Variants in CCDC102B observed in about 807,000 individuals in gnomAD.
The protein encoded by CCDC102B is coiled-coil domain containing 102B.
In CCDC102B, 75 loss-of-function variants were observed where a neutral mutation model predicts 57.4. The ratio of observed to expected loss-of-function variants is 1.31; its 90% CI spans 1.08 to 1.58. The LOEUF (loss-of-function observed/expected upper bound fraction) is 1.58, where lower values mean the gene tolerates loss of function less well. Among genes scored for constraint, CCDC102B ranks in the 40% most tolerant of loss-of-function variants. The probability of loss-of-function intolerance (pLI) is 0.00; values close to 1 mark genes in which losing one functional copy is unlikely to be tolerated. For missense variants in CCDC102B, 636 were observed against 582.6 expected (o/e 1.09, Z -0.94); for synonymous variants, 206 against 201.9 (o/e 1.02, Z -0.17).
At chr18:68,830,362 A>G (rs2037093798) in intron 1 of CCDC102B, among the ~76,000 whole-genome samples, 2 of 151,970 alleles carry the variant, frequency 1.3e-5, no homozygotes, top group Admixed American at 1.3e-4. Context: ...AAATAAGATT[A>G]GGTGGGGCTA....
Position 68,966,305 on chromosome 18 carries a change from C to G in CCDC102B, c.1264-44629C>G, listed in dbSNP as rs578217272. Among the ~76,000 whole-genome samples the G allele has an allele frequency of 1.4e-3, 212 of 152,158 alleles. 1 individual carries two copies. Among genetic ancestry groups the G allele is most frequent in the African/African-American group, 4.6e-3 (191 of 41,534 alleles). ...CTTGTTCTGATGACTGCCTTATCTCCCCAGACTGAGTCTCCTTGCCATTTT... is the reference window on the plus strand; with the variant it reads ...CTTGTTCTGATGACTGCCTTATCTCGCCAGACTGAGTCTCCTTGCCATTTT... On this transcript the variant is annotated intron_variant, in intron 6 of 7. Coordinates refer to ENST00000360242, the MANE Select transcript of CCDC102B (RefSeq NM_024781.3).
rs1263559674 is a variant in CCDC102B at position 68,969,242 on chromosome 18, G to A, written c.1264-41692G>A. Among the ~76,000 whole-genome samples, 7 of 152,136 alleles carry A rather than the reference G, an allele frequency of 4.6e-5. No homozygotes were observed. In the East Asian group the frequency reaches 7.7e-4, roughly 17 times the overall value. Reference sequence around the variant, plus strand: ...ACACCTCATCCTCATTTCTTAGAACGGATGCAGAGCCCAGGCATCAGAGGG... The same window carrying A: ...ACACCTCATCCTCATTTCTTAGAACAGATGCAGAGCCCAGGCATCAGAGGG... On this transcript the variant is annotated intron_variant, in intron 6 of 7. Transcript: ENST00000360242.
chr18:68,983,524 G>T (rs2050648450), intron 6 of CCDC102B, among the ~76,000 whole-genome samples: 1 of 152,078 alleles, frequency 6.6e-6, no homozygotes, highest in South Asian at 2.1e-4. Context: ...TTACTAGCCA[G>T]TGATAAAATA....
chr18:68,994,681 C>T (rs1222921114), intron 6 of CCDC102B, among the ~76,000 whole-genome samples: 1 of 152,178 alleles, frequency 6.6e-6, no homozygotes, highest in African/African-American at 2.4e-5. Context: ...GAAGAAAGTG[C>T]TTTGCTTCCC....
chr18:68,938,689 A>T (rs9955298), intron 6 of CCDC102B, among the ~76,000 whole-genome samples: 6,201 of 151,548 alleles, frequency 0.041, 273 homozygotes, highest in African/African-American at 0.11. Flanking sequence ...GATTATTTAT[A>T]TTCTTTGTTA....
intron 6 of CCDC102B, among the ~76,000 whole-genome samples, chr18:68,963,089 T>C (rs536027555): frequency 8.8e-4 from 134 of 152,132 alleles, no homozygotes; most frequent in African/African-American, 3.1e-3. Flanking sequence ...GAGAAAAATA[T>C]GTCTCACTAT....
intron 2 of CCDC102B, among the ~76,000 whole-genome samples, chr18:68,732,229 A>T (rs2032903811): frequency 6.6e-6 from 1 of 151,880 alleles, no homozygotes; most frequent in African/African-American, 2.4e-5. Flanking sequence ...GTGTATTTTA[A>T]ATTATTTCTA....
chr18:68,942,278 G>A (rs1171101647), intron 6 of CCDC102B, among the ~76,000 whole-genome samples: 10 of 152,060 alleles, frequency 6.6e-5, no homozygotes, highest in Admixed American at 6.6e-5. Context: ...ATGAAGGGGT[G>A]GCCTGCCCCT....
chr18:68,718,370 C>T lies in CCDC102B; in HGVS notation c.-67+1776C>T, dbSNP rs574955392. 2.8e-4 allele frequency among the ~76,000 whole-genome samples: 43 copies of T among 152,242 alleles called. No homozygotes were observed. The South Asian group carries it at 7.5e-3, about 26-fold the overall frequency. On this transcript the variant is annotated intron_variant, in intron 2 of 3. Coordinates refer to the CCDC102B transcript ENST00000578970. The stretch of plus-strand genomic sequence containing the variant: ...GAATGAACTTTTGTATGGAGAACTA[C>T]GTGCAAATCCTAAACCAAATGTTGA...
At chr18:68,850,592 A>G (rs1461239372) in intron 4 of CCDC102B, among the ~76,000 whole-genome samples, 1 of 151,990 alleles carries the variant, frequency 6.6e-6, no homozygotes, top group African/African-American at 2.4e-5. Context: ...GTGTTACGAG[A>G]GCAGCTGACC....
intron 7 of CCDC102B, among the ~76,000 whole-genome samples, chr18:69,047,292 C>T (rs1007815225): frequency 5.3e-5 from 8 of 152,048 alleles, no homozygotes; most frequent in East Asian, 1.9e-4. Context: ...ACAAAAACCA[C>T]ATGATTATCT....
downstream of CCDC102B, among the ~76,000 whole-genome samples, chr18:69,057,030 T>C (rs772150268): frequency 3.3e-5 from 5 of 152,056 alleles, no homozygotes; most frequent in Non-Finnish European, 5.9e-5. Context: ...GTCCTCAAGG[T>C]TTATTCATGT....
rs192036319 is a variant in CCDC102B at position 68,974,647 on chromosome 18, A to G, written c.1264-36287A>G. 1.8e-3 allele frequency among the ~76,000 whole-genome samples: 277 copies of G among 152,006 alleles called. 1 individual carries two copies. Among genetic ancestry groups the G allele is most frequent in the African/African-American group, 6.2e-3 (257 of 41,508 alleles). On this transcript the variant is annotated intron_variant, in intron 6 of 7. Transcript: ENST00000360242. ...ATACCATACTTTTCCCTTAATGACC[A>G]TGAGGTTATACATATAAATACTAAA...
intron 2 of CCDC102B, among the ~76,000 whole-genome samples, chr18:68,734,488 A>G (rs2033037911): frequency 6.6e-6 from 1 of 152,260 alleles, no homozygotes; most frequent in Non-Finnish European, 1.5e-5. Context: ...CATCTGGCTT[A>G]CGGAGAAATT....
At position 68,998,590 on chromosome 18, in the gene CCDC102B, C is replaced by CGGT. The variant is rs374545117; in HGVS notation, c.1264-12344_1264-12343insGGT. Among the ~76,000 whole-genome samples the CGGT allele has an allele frequency of 7.9e-5, 12 of 151,570 alleles. No homozygotes were observed. The South Asian group carries it at 2.5e-3, about 32-fold the overall frequency. ...AGGAAGCCAGTCCGAGTACCAAAAC[C>CGGT]CCCAAAGTAGGGAAGCCAACAGTTC... On this transcript the variant is annotated intron_variant, in intron 6 of 7. Transcript: ENST00000360242.
intron 6 of CCDC102B, among the ~76,000 whole-genome samples, chr18:68,914,297 G>A (rs1043390215): frequency 9.9e-5 from 15 of 152,102 alleles, no homozygotes; most frequent in South Asian, 2.1e-4. Context: ...GTGAATTGGC[G>A]TGTGTAAATG....
intron 4 of CCDC102B, among the ~76,000 whole-genome samples, chr18:68,865,990 A>T (rs556327456): frequency 5.1e-4 from 77 of 152,332 alleles, no homozygotes; most frequent in African/African-American, 1.8e-3. Flanking sequence ...TAATGCCTAC[A>T]TTAACAAAAG....
intron 2 of CCDC102B, among the ~76,000 whole-genome samples, chr18:68,792,447 A>G (rs1359868909): frequency 6.6e-6 from 1 of 152,180 alleles, no homozygotes; most frequent in Non-Finnish European, 1.5e-5. Flanking sequence ...GCCTGAATTT[A>G]CTTAATGTTC....
intron 6 of CCDC102B, among the ~76,000 whole-genome samples, chr18:68,941,924 T>C (rs1599725769): frequency 6.6e-6 from 1 of 152,146 alleles, no homozygotes; most frequent in Admixed American, 6.6e-5. Context: ...GGTTTCTTTT[T>C]TCCCAGTGGT....
Sources: gnomAD v4.1 joint callset for allele counts (sites outside exome capture counted in the v4.1 genomes callset) on GRCh38, gnomAD v4.1.1 for gene constraint, MANE v1.5 for transcripts, NCBI Gene and HGNC (gene_info 2026-07-23, HGNC 2026-07-21) for gene names.